Variants in CSMD1 observed in about 807,000 individuals in gnomAD.
CSMD1 encodes the protein CUB and sushi domain-containing protein 1.
Under a neutral mutation model 417.5 loss-of-function variants are expected in CSMD1, and 213 were observed. That is an observed-to-expected ratio of 0.51 (90% CI 0.46 to 0.57). The LOEUF (loss-of-function observed/expected upper bound fraction) is 0.57. CSMD1 is among the 20% of genes least tolerant of loss of function. CSMD1 has a pLI of 0.00. For missense variants in CSMD1, 6,923 were observed against 4,529.7 expected (o/e 1.53, Z -15.17); for synonymous variants, 2,862 against 1,736.8 (o/e 1.65, Z -16.11).
chr8:4,946,253 G>T (rs557607981), intron 1 of CSMD1, among the ~76,000 whole-genome samples: 194 of 152,286 alleles, frequency 1.3e-3, no homozygotes, highest in Middle Eastern at 6.8e-3. Context: ...AGAGACTGAT[G>T]CTTTTGGTCT....
intron 3 of CSMD1, among the ~76,000 whole-genome samples, chr8:4,324,266 T>C (rs1799427927): frequency 6.6e-6 from 1 of 152,222 alleles, no homozygotes; most frequent in South Asian, 2.1e-4. Context: ...TCTGAGACCT[T>C]TTCCTCTTCC....
intron 1 of CSMD1, among the ~76,000 whole-genome samples, chr8:4,891,597 G>C (rs1490250615): frequency 1.3e-5 from 2 of 151,996 alleles, no homozygotes; most frequent in Non-Finnish European, 1.5e-5. Context: ...TTTAGGAAAT[G>C]TCTTAAGCAC....
chr8:4,411,625 T>G (rs1462582939), intron 3 of CSMD1, among the ~76,000 whole-genome samples: 1 of 152,188 alleles, frequency 6.6e-6, no homozygotes, highest in Non-Finnish European at 1.5e-5. Context: ...TCCTTCCACC[T>G]GCTCATTCCA....
chr8:4,750,792 G>A (rs970432797), intron 1 of CSMD1, among the ~76,000 whole-genome samples: 4 of 151,742 alleles, frequency 2.6e-5, no homozygotes, highest in African/African-American at 7.3e-5. Flanking sequence ...AAAATGTTTC[G>A]TTGGTTGCTT....
At chr8:3,721,637 T>C (rs1374217895) in intron 6 of CSMD1, among the ~76,000 whole-genome samples, 2 of 152,200 alleles carry the variant, frequency 1.3e-5, no homozygotes, top group African/African-American at 2.4e-5. Context: ...ATTTTGCAAA[T>C]ACCTTTATTT....
intron 3 of CSMD1, among the ~76,000 whole-genome samples, chr8:4,222,390 CTG>C (rs1801089432): frequency 2.0e-5 from 3 of 149,206 alleles, no homozygotes; most frequent in African/African-American, 7.4e-5. Flanking sequence ...CCATCTTATT[CTG>C]TAAACAGAAT....
intron 26 of CSMD1, among the ~76,000 whole-genome samples, chr8:3,245,321 A>G: frequency 6.6e-6 from 1 of 152,160 alleles, no homozygotes; most frequent in East Asian, 1.9e-4. Context: ...CCCAGTCACT[A>G]GGAGCCTGTG....
intron 4 of CSMD1, among the ~76,000 whole-genome samples, chr8:4,009,093 G>C (rs960418559): frequency 6.6e-6 from 1 of 152,076 alleles, no homozygotes; most frequent in East Asian, 1.9e-4. Flanking sequence ...AGAAAATGTT[G>C]TGCAGTTAAA....
intron 2 of CSMD1, among the ~76,000 whole-genome samples, chr8:4,499,168 C>G (rs770162106): frequency 1.3e-5 from 2 of 152,052 alleles, no homozygotes; most frequent in African/African-American, 4.8e-5. Context: ...AAGATGCCAT[C>G]AAAGGAAAGC....
intron 3 of CSMD1, among the ~76,000 whole-genome samples, chr8:4,055,646 A>C (rs1352649310): frequency 6.6e-6 from 1 of 152,132 alleles, no homozygotes; most frequent in Non-Finnish European, 1.5e-5. Context: ...TTAAAACAGA[A>C]ACTGTTTAAT....
chr8:4,644,173 C>G (rs1285896892), intron 1 of CSMD1, among the ~76,000 whole-genome samples: 3 of 152,160 alleles, frequency 2.0e-5, no homozygotes, highest in African/African-American at 7.2e-5. Flanking sequence ...CGGTTTGTAT[C>G]ACTCCAAAAG....
intron 2 of CSMD1, among the ~76,000 whole-genome samples, chr8:4,489,461 G>A (rs183059300): frequency 1.1e-4 from 17 of 152,294 alleles, no homozygotes; most frequent in East Asian, 7.7e-4. Flanking sequence ...TATAAAATGG[G>A]TGCTGAGGGG....
At chr8:3,524,384 TAC>T (rs1394479952) in intron 10 of CSMD1, among the ~76,000 whole-genome samples, 5 of 126,558 alleles carry the variant, frequency 4.0e-5, no homozygotes, top group Non-Finnish European at 8.3e-5. Context: ...CACATGCACA[TAC>T]ACACACATGC....
intron 3 of CSMD1, among the ~76,000 whole-genome samples, chr8:4,241,790 A>G (rs1381011633): frequency 1.3e-5 from 2 of 151,598 alleles, no homozygotes; most frequent in Non-Finnish European, 2.9e-5. Flanking sequence ...TGCTCACTAC[A>G]AGCTCCACCT....
intron 3 of CSMD1, among the ~76,000 whole-genome samples, chr8:4,351,001 G>A (rs1412505950): frequency 1.3e-5 from 2 of 152,022 alleles, no homozygotes; most frequent in Non-Finnish European, 2.9e-5. Context: ...CTGCTTAATC[G>A]AAATTAAAGT....
intron 8 of CSMD1, among the ~76,000 whole-genome samples, chr8:3,612,434 A>G (rs1212927760): frequency 6.6e-6 from 1 of 152,130 alleles, no homozygotes; most frequent in Non-Finnish European, 1.5e-5. Flanking sequence ...AAAGCCTTGA[A>G]CAACACTGTC....
At chr8:4,169,994 T>C (rs1797679393) in intron 3 of CSMD1, among the ~76,000 whole-genome samples, 1 of 151,840 alleles carries the variant, frequency 6.6e-6, no homozygotes, top group Admixed American at 6.5e-5. Context: ...TAGAAGAGTG[T>C]TAGAGCCTAA....
At chr8:4,034,260 G>A (rs1367719621) in intron 3 of CSMD1, among the ~76,000 whole-genome samples, 2 of 152,012 alleles carry the variant, frequency 1.3e-5, no homozygotes, top group African/African-American at 4.8e-5. Flanking sequence ...GAAATATTTA[G>A]GAAATAAATA....
intron 25 of CSMD1, among the ~76,000 whole-genome samples, chr8:3,290,099 C>T (rs1389004279): frequency 1.4e-5 from 2 of 146,898 alleles, no homozygotes; most frequent in Non-Finnish European, 2.9e-5. Flanking sequence ...TTCCCCATTG[C>T]TTGTTTTTGT....
Sources: gnomAD v4.1 joint callset for allele counts (sites outside exome capture counted in the v4.1 genomes callset) on GRCh38, gnomAD v4.1.1 for gene constraint, MANE v1.5 for transcripts, NCBI Gene and HGNC (gene_info 2026-07-23, HGNC 2026-07-21) for gene names.